The following DACH2 variants were observed in gnomAD, a reference collection of about 807,000 sequenced individuals.
The protein encoded by DACH2 is dachshund family transcription factor 2, also known as dachshund homolog 2.
In DACH2, 17 loss-of-function variants were observed where a neutral mutation model predicts 35.8. The ratio of observed to expected loss-of-function variants is 0.48; its 90% CI spans 0.33 to 0.71. The LOEUF (loss-of-function observed/expected upper bound fraction) is 0.71. Among genes scored for constraint, DACH2 ranks in the 30% least tolerant of loss-of-function variants. The pLI is 0.02. For missense variants in DACH2, 469 were observed against 472.7 expected (o/e 0.99, Z 0.07); for synonymous variants, 195 against 177.3 (o/e 1.10, Z -0.79).
chrX:86,751,952 G>T (rs1166636273), intron 7 of DACH2, among the ~76,000 whole-genome samples: 2 of 111,726 alleles, frequency 1.8e-5, no homozygotes, highest in Non-Finnish European at 3.8e-5. Flanking sequence ...GATGGAGCTG[G>T]AGGCCAATTA....
At chrX:86,275,921 T>G (rs1391305395) in intron 1 of DACH2, among the ~76,000 whole-genome samples, 1 of 112,600 alleles carries the variant, frequency 8.9e-6, no homozygotes, top group African/African-American at 3.2e-5. Context: ...TATTCCATTA[T>G]GTATATGTAC....
chrX:86,543,586 T>G (rs950051359), intron 3 of DACH2, among the ~76,000 whole-genome samples: 40 of 110,232 alleles, frequency 3.6e-4, no homozygotes, highest in African/African-American at 1.3e-3. Flanking sequence ...AGGAACACAA[T>G]AAAATGATAC....
chrX:86,398,723 G>A (rs1394150286), intron 2 of DACH2, among the ~76,000 whole-genome samples: 2 of 112,075 alleles, frequency 1.8e-5, no homozygotes, highest in African/African-American at 6.5e-5. Context: ...TTAATCCTGA[G>A]TTCTAGTTTG....
At chrX:86,280,342 C>T (rs1045706302) in intron 1 of DACH2, among the ~76,000 whole-genome samples, 1 of 111,961 alleles carries the variant, frequency 8.9e-6, no homozygotes, top group African/African-American at 3.2e-5. Flanking sequence ...AGTTTCATAT[C>T]TACCCGAACT....
chrX:86,346,162 T>C (rs1325001660), intron 1 of DACH2, among the ~76,000 whole-genome samples: 2 of 111,503 alleles, frequency 1.8e-5, no homozygotes, highest in Non-Finnish European at 3.8e-5. Flanking sequence ...TAAAACATAT[T>C]TACTTGAGTA....
At chrX:86,262,182 G>A (rs774340469) in intron 1 of DACH2, among the ~76,000 whole-genome samples, 2 of 109,790 alleles carry the variant, frequency 1.8e-5, no homozygotes, top group East Asian at 5.8e-4. Flanking sequence ...CCAGCTCCTC[G>A]GGAGGCTGAG....
chrX:86,803,990 T>C (rs1262607177), intron 7 of DACH2, among the ~76,000 whole-genome samples: 1 of 111,380 alleles, frequency 9.0e-6, no homozygotes, highest in Non-Finnish European at 1.9e-5. Context: ...ATTTTGTTAG[T>C]TCTAAATTTT....
At chrX:86,742,289 A>G (rs1440958918) in intron 7 of DACH2, among the ~76,000 whole-genome samples, 1 of 111,076 alleles carries the variant, frequency 9.0e-6, no homozygotes, top group Non-Finnish European at 1.9e-5. Flanking sequence ...ATTAAATTAT[A>G]AACTCTGAAA....
intron 5 of DACH2, among the ~76,000 whole-genome samples, chrX:86,698,521 G>GTGTTTTTTTTTTTTT (rs2041096546): frequency 1.5e-4 from 5 of 32,957 alleles, no homozygotes; most frequent in African/African-American, 7.3e-4. Flanking sequence ...TTAGTTTTGT[G>GTGTTTTTTTTTTTTT]TTTTTTTTTT....
chrX:86,378,703 C>T (rs189306235), intron 2 of DACH2, among the ~76,000 whole-genome samples: 47 of 110,914 alleles, frequency 4.2e-4, no homozygotes, highest in African/African-American at 1.5e-3. Flanking sequence ...TGTCAGTTTG[C>T]GACCTCTGCT....
At chrX:86,580,925 A>G (rs35961853) in intron 3 of DACH2, among the ~76,000 whole-genome samples, 34 of 111,600 alleles carry the variant, frequency 3.0e-4, no homozygotes, top group Non-Finnish European at 6.4e-4. Context: ...AATCCCCAGG[A>G]CACATAGTTA....
At chrX:86,827,752 T>C in intron 11 of DACH2, 1 of 1,165,305 alleles carries the variant, frequency 8.6e-7, no homozygotes, top group Non-Finnish European at 1.1e-6. Context: ...GGTCTTATTG[T>C]TTTTTCTGTG....
At chrX:86,509,959 C>A (rs1259390244) in intron 2 of DACH2, among the ~76,000 whole-genome samples, 2 of 111,578 alleles carry the variant, frequency 1.8e-5, no homozygotes, top group African/African-American at 6.5e-5. Flanking sequence ...TTACAAGTTG[C>A]TGCTAATACC....
chrX:86,166,927 TG>T (rs2030963175), intron 1 of DACH2, among the ~76,000 whole-genome samples: 1 of 111,816 alleles, frequency 8.9e-6, no homozygotes, highest in African/African-American at 3.2e-5. Flanking sequence ...TTGGTCATGT[TG>T]ATCTTTCTAA....
At chrX:86,189,124 T>C (rs934803630) in intron 1 of DACH2, among the ~76,000 whole-genome samples, 8 of 112,300 alleles carry the variant, frequency 7.1e-5, no homozygotes, top group African/African-American at 2.6e-4. Context: ...AAAATTTCTA[T>C]AAAATGCTTG....
intron 6 of DACH2, among the ~76,000 whole-genome samples, chrX:86,725,365 G>C (rs2148468615): frequency 9.0e-6 from 1 of 111,611 alleles, no homozygotes; most frequent in African/African-American, 3.3e-5. Flanking sequence ...GGATACTTTG[G>C]CTTTGACTTT....
chrX:86,470,485 A>C, intron 2 of DACH2, among the ~76,000 whole-genome samples: 1 of 111,642 alleles, frequency 9.0e-6, no homozygotes, highest in Admixed American at 9.6e-5. Flanking sequence ...TGTGTATGTT[A>C]ATTTTACGGC....
chrX:86,533,841 G>C (rs753836094), intron 3 of DACH2, among the ~76,000 whole-genome samples: 2 of 110,949 alleles, frequency 1.8e-5, no homozygotes, highest in South Asian at 7.6e-4. Context: ...AGAATGGTAG[G>C]ATCAAGGAGG....
At chrX:86,745,182 C>T (rs1302841156) in intron 7 of DACH2, among the ~76,000 whole-genome samples, 1 of 111,527 alleles carries the variant, frequency 9.0e-6, no homozygotes, top group Non-Finnish European at 1.9e-5. Flanking sequence ...CCACAGCCTA[C>T]AGATGAACAG....
Sources: allele counts gnomAD v4.1 joint callset (sites outside exome capture counted in the v4.1 genomes callset), GRCh38; gene constraint gnomAD v4.1.1; transcripts MANE v1.5; gene names NCBI Gene and HGNC (gene_info 2026-07-23, HGNC 2026-07-21).